LGSN: variants seen among roughly 807,000 people sequenced by gnomAD.
LGSN encodes lengsin.
Under a neutral mutation model 19.5 loss-of-function variants are expected in LGSN, and 21 were observed. That is an observed-to-expected ratio of 1.07 (90% confidence interval 0.76 to 1.55). The LOEUF is 1.55. Ranked by LOEUF, LGSN falls within the 40% of genes most tolerant of loss-of-function variation. The probability of loss-of-function intolerance (pLI) is 0.00; values close to 1 mark genes in which losing one functional copy is unlikely to be tolerated. For synonymous variants in LGSN, 257 were observed against 215.6 expected (o/e 1.19, Z -1.68); for missense variants, 673 against 608.5 (o/e 1.11, Z -1.12).
At chr6:63,350,511 G>C in the LGSN span, among the ~76,000 whole-genome samples, 1 of 152,166 alleles carries the variant, frequency 6.6e-6, no homozygotes. Flanking sequence ...TTAATAAACA[G>C]CATACTGAAA....
At position 63,279,885 on chromosome 6, in the gene LGSN, A is replaced by G. The variant is rs1767219960; in HGVS notation, c.*136T>C. Reference sequence around the variant, plus strand: ...ACTTCATCTGTCAAATATTCCATGGACAAAAAAAAAAGTCAAAAGCATTCG... The same window carrying G: ...ACTTCATCTGTCAAATATTCCATGGGCAAAAAAAAAAGTCAAAAGCATTCG... On this transcript the variant is annotated 3_prime_UTR_variant, in exon 4 of 4. Transcript: ENST00000370657. 5 of 800,790 alleles carry G rather than the reference A, an allele frequency of 6.2e-6. No homozygotes were observed. The highest frequency in any genetic ancestry group is 1.0e-5 in the Non-Finnish European group (5 of 499,714). The allele number at this position is 800,790 out of a possible 1,614,324, so 49.6% of individuals were successfully genotyped here. A position where few individuals can be genotyped will look rare whatever the true frequency, so the allele number is the denominator to read the frequency against.
In LGSN at chr6:63,281,128, T is replaced by C. The variant is rs1390858749; in HGVS notation, c.423A>G (p.Thr141=). 1.2e-6 allele frequency: 2 copies of C among 1,613,756 alleles called. No homozygotes were observed. The highest frequency in any genetic ancestry group is 1.3e-5 in the African/African-American group (1 of 74,852). ...TTAGGACTATGTCGCTATTAAAACA[T>C]GTGGCTCTTATGTTATTCATTTCAT... The part of the protein sequence containing the change: ...KDNEMNNIRA[T]CFNSDIVLMP... Residue 141 remains threonine (T), a synonymous_variant, in exon 4 of 4, where the codon ACA becomes ACG. Transcript: ENST00000370657.
Position 63,279,984 on chromosome 6 carries a change from C to T in LGSN, c.*37G>A, listed in dbSNP as rs549044914. 6.0e-5 allele frequency: 90 copies of T among 1,504,854 alleles called. 1 individual carries two copies. The South Asian group carries it at 1.1e-3, about 19-fold the overall frequency. The allele number at this position is 1,504,854 out of a possible 1,614,324, so 93.2% of individuals were successfully genotyped here. A position where few individuals can be genotyped will look rare whatever the true frequency, so the allele number is the denominator to read the frequency against. ...GTTTTGGTAGATTAGCTTTAAGTAACAATTACATGTCTAAAGGAGTAGTTG... is the reference window on the plus strand; with the variant it reads ...GTTTTGGTAGATTAGCTTTAAGTAATAATTACATGTCTAAAGGAGTAGTTG... On this transcript the variant is annotated 3_prime_UTR_variant, in exon 4 of 4. Transcript: ENST00000370657.
chr6:63,501,764 G>A, the LGSN span, among the ~76,000 whole-genome samples: 1 of 152,158 alleles, frequency 6.6e-6, no homozygotes, highest in South Asian at 2.1e-4. Flanking sequence ...AGGGCTATAT[G>A]TAGAATTAGA....
At chr6:63,287,242 A>G (rs1767575128) in intron 2 of LGSN, among the ~76,000 whole-genome samples, 1 of 152,244 alleles carries the variant, frequency 6.6e-6, no homozygotes, top group African/African-American at 2.4e-5. Flanking sequence ...CGGAGGCTTT[A>G]TAACTACCTT....
At chr6:63,543,129 A>C in the LGSN span, among the ~76,000 whole-genome samples, 1 of 152,158 alleles carries the variant, frequency 6.6e-6, no homozygotes, top group African/African-American at 2.4e-5. Context: ...CATTTCATTC[A>C]CAAATTAGAG....
At chr6:63,432,158 AAAGAAAGAAAG>A in the LGSN span, among the ~76,000 whole-genome samples, 1 of 115,194 alleles carries the variant, frequency 8.7e-6, no homozygotes, top group African/African-American at 3.8e-5. Context: ...AGAAAGAAAG[AAAGAAAGAAAG>A]AAAAGGAAAG....
chr6:63,387,400 T>A, the LGSN span, among the ~76,000 whole-genome samples: 1 of 152,168 alleles, frequency 6.6e-6, no homozygotes, highest in East Asian at 1.9e-4. Context: ...TTACATATTA[T>A]ATATCTTTGT....
the LGSN span, among the ~76,000 whole-genome samples, chr6:63,452,896 GAACT>G: frequency 1.3e-5 from 2 of 151,668 alleles, no homozygotes; most frequent in African/African-American, 4.9e-5. Context: ...ATTAATGTGA[GAACT>G]TTCTTCTTTT....
At chr6:63,441,665 A>G in the LGSN span, 1 of 475,834 alleles carries the variant, frequency 2.1e-6, no homozygotes, top group East Asian at 5.3e-5. Context: ...GTGCCAGAGA[A>G]AGGAGTATGA....
intron 1 of LGSN, among the ~76,000 whole-genome samples, chr6:63,316,162 T>G (rs1269261743): frequency 6.6e-6 from 1 of 152,134 alleles, no homozygotes; most frequent in East Asian, 1.9e-4. Flanking sequence ...TCCTCACCAC[T>G]TTTACAAGAT....
the LGSN span, among the ~76,000 whole-genome samples, chr6:63,540,620 G>T: frequency 6.6e-6 from 1 of 151,474 alleles, no homozygotes; most frequent in Non-Finnish European, 1.5e-5. Context: ...TAGAGACCCT[G>T]TATCACAAAT....
the LGSN span, among the ~76,000 whole-genome samples, chr6:63,496,307 T>G: frequency 8.3e-4 from 127 of 152,334 alleles, 1 homozygote; most frequent in Admixed American, 1.6e-3. Flanking sequence ...CTCAGCTAGA[T>G]TTTGACCTTA....
the LGSN span, among the ~76,000 whole-genome samples, chr6:63,499,970 G>A: frequency 0.53 from 80,760 of 151,204 alleles, 23,353 homozygotes; most frequent in African/African-American, 0.77. Context: ...GACAACTCAA[G>A]TTTCCATAAT....
the LGSN span, among the ~76,000 whole-genome samples, chr6:63,543,018 A>G: frequency 1.3e-5 from 2 of 152,294 alleles, no homozygotes; most frequent in African/African-American, 4.8e-5. Context: ...GAGTTCCACT[A>G]CCCATCACAA....
At chr6:63,353,423 G>T in the LGSN span, among the ~76,000 whole-genome samples, 4 of 151,988 alleles carry the variant, frequency 2.6e-5, no homozygotes, top group Non-Finnish European at 4.4e-5. Flanking sequence ...AGATGTTTAA[G>T]ACTCTCCCTA....
the LGSN span, among the ~76,000 whole-genome samples, chr6:63,371,642 T>C: frequency 1.3e-5 from 2 of 152,346 alleles, no homozygotes; most frequent in East Asian, 3.9e-4. Flanking sequence ...CAACTTTTTT[T>C]CTACATTTAC....
chr6:63,562,850 C>T, the LGSN span, among the ~76,000 whole-genome samples: 2 of 152,146 alleles, frequency 1.3e-5, no homozygotes, highest in African/African-American at 4.8e-5. Context: ...CTGGTTTATT[C>T]CCTACAAACA....
At chr6:63,520,395 G>A in the LGSN span, among the ~76,000 whole-genome samples, 9 of 152,294 alleles carry the variant, frequency 5.9e-5, no homozygotes, top group African/African-American at 2.2e-4. Context: ...GGGAGACTGA[G>A]GCGGGCGGAT....
Sources: gnomAD v4.1 joint callset for allele counts (sites outside exome capture counted in the v4.1 genomes callset) on GRCh38, gnomAD v4.1.1 for gene constraint, MANE v1.5 for transcripts, NCBI Gene and HGNC (gene_info 2026-07-23, HGNC 2026-07-21) for gene names.